SGCD: variants seen among roughly 807,000 people sequenced by gnomAD.
SGCD encodes the protein delta-sarcoglycan.
In SGCD, 18 loss-of-function variants were observed where a neutral mutation model predicts 36.6. The ratio of observed to expected loss-of-function variants is 0.49; its 90% CI spans 0.34 to 0.73. The LOEUF (loss-of-function observed/expected upper bound fraction) is 0.73, where lower values mean the gene tolerates loss of function less well. Among genes scored for constraint, SGCD ranks in the 30% least tolerant of loss-of-function variants. The pLI is 0.01. For missense variants in SGCD, 387 were observed against 346.7 expected (o/e 1.12, Z -0.92); for synonymous variants, 133 against 130.6 (o/e 1.02, Z -0.12).
At chr5:156,540,907 C>A (rs1758325251) in intron 4 of SGCD, among the ~76,000 whole-genome samples, 1 of 152,138 alleles carries the variant, frequency 6.6e-6, no homozygotes, top group Non-Finnish European at 1.5e-5. Context: ...TAAACATTTT[C>A]CCGCTTCCAT....
chr5:156,314,984 G>A (rs530127169), intron 3 of SGCD, among the ~76,000 whole-genome samples: 2 of 151,976 alleles, frequency 1.3e-5, no homozygotes, highest in Non-Finnish European at 2.9e-5. Flanking sequence ...GTATGTATAT[G>A]TTGAGAAATA....
At chr5:156,076,076 G>C (rs187869101) in intron 1 of SGCD, among the ~76,000 whole-genome samples, 1 of 152,102 alleles carries the variant, frequency 6.6e-6, no homozygotes, top group East Asian at 1.9e-4. Flanking sequence ...TTTAGAATGA[G>C]ATCACAGAAT....
the SGCD span, among the ~76,000 whole-genome samples, chr5:155,769,718 C>A: frequency 1.3e-5 from 2 of 152,182 alleles, no homozygotes; most frequent in African/African-American, 2.4e-5. Flanking sequence ...GTCATTCTTT[C>A]CTTTTTCTTT....
chr5:156,633,383 C>T (rs1457384814), intron 6 of SGCD, among the ~76,000 whole-genome samples: 1 of 152,112 alleles, frequency 6.6e-6, no homozygotes, highest in African/African-American at 2.4e-5. Context: ...CTTTATTATT[C>T]CATGGTGGTC....
Position 156,760,833 on chromosome 5 carries a change from T to TATTTA in SGCD, c.*1444_*1448dup, listed in dbSNP as rs1757487174. The TATTTA allele has an allele frequency of 6.6e-6, 1 of 152,660 alleles. No homozygotes were observed. The allele number at this position is 152,660 out of a possible 1,614,324, so 9.5% of individuals were successfully genotyped here. On this transcript the variant is annotated 3_prime_UTR_variant, in exon 9 of 9. Coordinates refer to ENST00000337851, the MANE Select transcript of SGCD (RefSeq NM_000337.6). ...GCACTCAGCAAGGAGAAGCACATCTTATTTATCTTGTTACCTATAGTTTAC... is the reference window on the plus strand; with the variant it reads ...GCACTCAGCAAGGAGAAGCACATCTTATTTAATTTATCTTGTTACCTATAGTTTAC...
intron 3 of SGCD, among the ~76,000 whole-genome samples, chr5:156,399,414 G>A (rs1455712932): frequency 1.3e-5 from 2 of 152,174 alleles, no homozygotes; most frequent in Admixed American, 6.6e-5. Flanking sequence ...CAAACCAGAA[G>A]CCTGCCTTTA....
chr5:155,884,067 C>G (rs1162138347), intron 1 of SGCD, among the ~76,000 whole-genome samples: 1 of 152,164 alleles, frequency 6.6e-6, no homozygotes, highest in Non-Finnish European at 1.5e-5. Context: ...ATTAGCACCT[C>G]TATTCTTCTT....
At chr5:156,129,639 C>T (rs752088274) in intron 3 of SGCD, among the ~76,000 whole-genome samples, 3 of 152,192 alleles carry the variant, frequency 2.0e-5, no homozygotes, top group Non-Finnish European at 4.4e-5. Flanking sequence ...CTCCCTCCCT[C>T]AACTCTCCAC....
At chr5:155,868,679 G>A (rs180857551), upstream of SGCD, among the ~76,000 whole-genome samples, 307 of 152,220 alleles carry the variant, frequency 2.0e-3, no homozygotes, top group African/African-American at 7.2e-3. Context: ...AAACAAAAAT[G>A]GCTTAAAGTA....
At chr5:156,650,488 TTC>T (rs1167994262) in intron 7 of SGCD, among the ~76,000 whole-genome samples, 1 of 152,172 alleles carries the variant, frequency 6.6e-6, no homozygotes, top group African/African-American at 2.4e-5. Flanking sequence ...CCTTTGTCTT[TTC>T]TCTCTCCTCA....
At chr5:156,636,937 C>T (rs1762846950) in intron 6 of SGCD, among the ~76,000 whole-genome samples, 1 of 152,016 alleles carries the variant, frequency 6.6e-6, no homozygotes, top group Non-Finnish European at 1.5e-5. Context: ...TAAGGGGTCT[C>T]AAATAAATAA....
At chr5:155,811,218 T>C in the SGCD span, among the ~76,000 whole-genome samples, 2 of 152,114 alleles carry the variant, frequency 1.3e-5, no homozygotes, top group African/African-American at 4.8e-5. Context: ...TCTTTCCTGC[T>C]TGTCACCCAA....
rs1753055502 is a variant in SGCD at position 156,432,287 on chromosome 5, T to G, written c.193-76314T>G. Reference sequence around the variant, plus strand: ...TTGTCACAAGGACAGACTCAGGACCTCTGGTTAGCCAGCATGTTACAGGTG... The same window carrying G: ...TTGTCACAAGGACAGACTCAGGACCGCTGGTTAGCCAGCATGTTACAGGTG... On this transcript the variant is annotated intron_variant, in intron 3 of 8. Coordinates refer to ENST00000337851, the MANE Select transcript of SGCD (RefSeq NM_000337.6). Among the ~76,000 whole-genome samples, 3 of 152,224 alleles carry G rather than the reference T, an allele frequency of 2.0e-5. No individual in the cohort carries two copies. In the South Asian group the frequency reaches 6.2e-4, roughly 32 times the overall value.
chr5:156,421,579 G>C (rs921454112), intron 3 of SGCD, among the ~76,000 whole-genome samples: 4 of 152,064 alleles, frequency 2.6e-5, no homozygotes, highest in Non-Finnish European at 5.9e-5. Context: ...CTTAAGTGAA[G>C]ATGTGGTATA....
intron 1 of SGCD, among the ~76,000 whole-genome samples, chr5:156,045,279 T>C (rs1482023748): frequency 1.3e-5 from 2 of 152,166 alleles, no homozygotes; most frequent in Non-Finnish European, 2.9e-5. Context: ...AATCATAGCA[T>C]ACATGCTCAC....
intron 1 of SGCD, among the ~76,000 whole-genome samples, chr5:155,969,064 T>C (rs1410584265): frequency 6.6e-6 from 1 of 152,142 alleles, no homozygotes; most frequent in Non-Finnish European, 1.5e-5. Context: ...CAATTCACAT[T>C]GATGTACATT....
At chr5:155,737,422 A>G in the SGCD span, among the ~76,000 whole-genome samples, 1 of 152,218 alleles carries the variant, frequency 6.6e-6, no homozygotes, top group Non-Finnish European at 1.5e-5. Context: ...TTGAAATAAA[A>G]GTTTTGAAAA....
chr5:156,130,756 C>A lies in SGCD; in HGVS notation c.-44+6737C>A, dbSNP rs139321114. On this transcript the variant is annotated intron_variant, in intron 3 of 9. Coordinates refer to the SGCD transcript ENST00000517913. ...TTTTTTTTCTTTTGAGATGGAGTTT[C>A]GCTCTTGTCACTCAGGCTGGAGTAC... Among the ~76,000 whole-genome samples, 1,287 of 151,294 alleles carry A rather than the reference C, an allele frequency of 8.5e-3. 17 individuals carry two copies. Among genetic ancestry groups the A allele is most frequent in the African/African-American group, 0.03 (1,236 of 41,174 alleles).
intron 4 of SGCD, among the ~76,000 whole-genome samples, chr5:156,553,712 A>C (rs914754857): frequency 6.6e-6 from 1 of 152,174 alleles, no homozygotes; most frequent in Non-Finnish European, 1.5e-5. Context: ...TACATAGTAC[A>C]TGACCTTCTG....
Sources: gnomAD v4.1 joint callset for allele counts (sites outside exome capture counted in the v4.1 genomes callset) on GRCh38, gnomAD v4.1.1 for gene constraint, MANE v1.5 for transcripts, NCBI Gene and HGNC (gene_info 2026-07-23, HGNC 2026-07-21) for gene names.